Variants in EVI5 observed in about 807,000 individuals in gnomAD.
EVI5 encodes ecotropic viral integration site 5, also known as ecotropic viral integration site 5 protein homolog.
In EVI5, 73 loss-of-function variants were observed where a neutral mutation model predicts 112.0. The observed-to-expected ratio is 0.65, with a 90% CI of 0.54 to 0.79. EVI5 has a LOEUF of 0.79. Ranked by LOEUF, EVI5 falls within the 30% of genes least tolerant of loss-of-function variation. EVI5 has a pLI of 0.00. For synonymous variants in EVI5, 305 were observed against 319.9 expected (o/e 0.95, Z 0.50); for missense variants, 900 against 968.8 (o/e 0.93, Z 0.94).
chr1:92,612,175 A>AT (rs757965727), intron 16 of EVI5, among the ~76,000 whole-genome samples: 4 of 152,064 alleles, frequency 2.6e-5, no homozygotes, highest in South Asian at 2.1e-4. Context: ...AGCATTTTCA[A>AT]CTTTTTTCAG....
chr1:92,607,420 G>A, intron 17 of EVI5, 161 bp downstream of exon 17: 1 of 494,562 alleles, frequency 2.0e-6, no homozygotes, highest in South Asian at 4.1e-5. Context: ...AAGATGAGCT[G>A]ACCTGGTCTG....
At chr1:92,706,318 G>A (rs756487108) in intron 2 of EVI5, among the ~76,000 whole-genome samples, 6 of 152,044 alleles carry the variant, frequency 3.9e-5, no homozygotes, top group Non-Finnish European at 7.4e-5. Flanking sequence ...CAGTAAGTCC[G>A]TAATATATCT....
chr1:92,660,919 G>T (rs11801763), intron 13 of EVI5, among the ~76,000 whole-genome samples: 2,057 of 151,876 alleles, frequency 0.014, 45 homozygotes, highest in African/African-American at 0.047. Flanking sequence ...TACATTTGAT[G>T]AATTTTATTA....
intron 13 of EVI5, among the ~76,000 whole-genome samples, chr1:92,644,215 T>C (rs1039421305): frequency 6.6e-6 from 1 of 152,244 alleles, no homozygotes; most frequent in Non-Finnish European, 1.5e-5. Flanking sequence ...GCACAATTTA[T>C]ATCATGTGCC....
chr1:92,623,061 A>G (rs1231176928), intron 16 of EVI5, among the ~76,000 whole-genome samples: 1 of 98,864 alleles, frequency 1.0e-5, no homozygotes, highest in African/African-American at 4.1e-5. Context: ...TAAATCCTCA[A>G]CAATGGCTTA....
chr1:92,756,675 T>G (rs1288690014), intron 1 of EVI5: 1 of 502,012 alleles, frequency 2.0e-6, no homozygotes, highest in South Asian at 1.6e-5. Flanking sequence ...AACCTCAGCA[T>G]GTCAAACAGT....
intron 18 of EVI5, among the ~76,000 whole-genome samples, chr1:92,597,116 C>G (rs997771772): frequency 1.3e-5 from 2 of 152,000 alleles, no homozygotes; most frequent in East Asian, 3.9e-4. Context: ...ACTCAAAAAT[C>G]CATTCTTTTA....
chr1:92,515,012 T>C (rs973936148), intron 19 of EVI5, among the ~76,000 whole-genome samples: 2 of 152,204 alleles, frequency 1.3e-5, no homozygotes, highest in South Asian at 4.1e-4. Context: ...GCCAGTCCGG[T>C]ATAACATTTC....
intron 19 of EVI5, among the ~76,000 whole-genome samples, chr1:92,528,471 T>C (rs187356479): frequency 1.3e-5 from 2 of 152,178 alleles, no homozygotes; most frequent in South Asian, 2.1e-4. Flanking sequence ...ATATGAAAAA[T>C]AGAAGTAAAT....
At chr1:92,561,037 T>TA (rs976660225) in intron 19 of EVI5, among the ~76,000 whole-genome samples, 1 of 152,188 alleles carries the variant, frequency 6.6e-6, no homozygotes, top group African/African-American at 2.4e-5. Context: ...GTGGCTCTTC[T>TA]AGCTAATTGG....
chr1:92,623,628 C>CT (rs1655038206), intron 16 of EVI5, among the ~76,000 whole-genome samples: 1 of 152,210 alleles, frequency 6.6e-6, no homozygotes, highest in Non-Finnish European at 1.5e-5. Flanking sequence ...CATTAAACAA[C>CT]TTTAGGAAGC....
chr1:92,783,606 G>A (rs1685175617), intron 1 of EVI5, among the ~76,000 whole-genome samples: 1 of 151,368 alleles, frequency 6.6e-6, no homozygotes, highest in Admixed American at 6.6e-5. Flanking sequence ...GAGGTCAAGA[G>A]ATCAAGACCA....
At chr1:92,614,107 C>T (rs1278183702) in intron 16 of EVI5, among the ~76,000 whole-genome samples, 1 of 152,108 alleles carries the variant, frequency 6.6e-6, no homozygotes, top group African/African-American at 2.4e-5. Flanking sequence ...AATTTGAAGC[C>T]TATGGTGCAC....
chr1:92,726,371 C>A (rs1675571457), intron 2 of EVI5, among the ~76,000 whole-genome samples: 1 of 152,054 alleles, frequency 6.6e-6, no homozygotes, highest in Admixed American at 6.6e-5. Context: ...GAATTTCTCA[C>A]TGAAAACACA....
In EVI5 at chr1:92,567,385, A is replaced by C. The variant is rs187083954; in HGVS notation, c.2071-3648T>G. On this transcript the variant is annotated intron_variant, in intron 18 of 19. Coordinates refer to ENST00000684568, the MANE Select transcript of EVI5 (RefSeq NM_001350197.2). Reference sequence around the variant, plus strand: ...AGTCTACAGTAGTGTGCAGTAATGTAGGCCATTCACTCACTGACTCACCCA... The same window carrying C: ...AGTCTACAGTAGTGTGCAGTAATGTCGGCCATTCACTCACTGACTCACCCA... Among the ~76,000 whole-genome samples the C allele has an allele frequency of 6.9e-3, 1,058 of 152,286 alleles. 4 individuals carry two copies. The highest frequency in any genetic ancestry group is 0.014 in the Middle Eastern group (4 of 294).
intron 1 of EVI5, among the ~76,000 whole-genome samples, chr1:92,740,744 T>C (rs1398611934): frequency 6.6e-6 from 1 of 152,250 alleles, no homozygotes; most frequent in Non-Finnish European, 1.5e-5. Flanking sequence ...ACTGCTATAA[T>C]TAAAGATAGT....
chr1:92,715,302 C>A (rs1328701158), intron 2 of EVI5, among the ~76,000 whole-genome samples: 4 of 152,150 alleles, frequency 2.6e-5, no homozygotes, highest in Admixed American at 2.0e-4. Context: ...AGCCACCGTG[C>A]CCTGACAGTT....
chr1:92,620,516 G>A (rs1273518120), intron 16 of EVI5, among the ~76,000 whole-genome samples: 1 of 150,248 alleles, frequency 6.7e-6, no homozygotes, highest in Non-Finnish European at 1.5e-5. Flanking sequence ...AAAGCTTGAA[G>A]GCAACCAGAG....
chr1:92,508,941 C>T lies in EVI5; in HGVS notation c.*4715G>A, dbSNP rs1339002262. On this transcript the variant is annotated 3_prime_UTR_variant, in exon 20 of 20. Transcript: ENST00000684568. ...AAATAGCATCCACTATACCTTTAAC[C>T]AGAAATTAAACTTCAGTAGAATTAA... 2 of 152,106 alleles carry T rather than the reference C, an allele frequency of 1.3e-5. No homozygotes were observed. The highest frequency in any genetic ancestry group is 4.8e-5 in the African/African-American group (2 of 41,412). The allele number at this position is 152,106 out of a possible 1,614,324, so 9.4% of individuals were successfully genotyped here.
Sources: allele counts gnomAD v4.1 joint callset (sites outside exome capture counted in the v4.1 genomes callset), GRCh38; gene constraint gnomAD v4.1.1; transcripts MANE v1.5; gene names NCBI Gene and HGNC (gene_info 2026-07-23, HGNC 2026-07-21).